FARS2: variants seen among roughly 807,000 people sequenced by gnomAD.
The protein encoded by FARS2 is phenylalanine--tRNA ligase, mitochondrial.
FARS2 carries 40 observed loss-of-function variants against 46.4 expected under a neutral mutation model. The observed-to-expected ratio is 0.86, with a 90% CI of 0.67 to 1.12. The LOEUF (loss-of-function observed/expected upper bound fraction) is 1.12. Among genes scored for constraint, FARS2 ranks in the 50% most tolerant of loss-of-function variants. FARS2 has a pLI of 0.00. For missense variants in FARS2, 513 were observed against 567.9 expected (o/e 0.90, Z 0.98); for synonymous variants, 234 against 214.9 (o/e 1.09, Z -0.78).
intron 6 of FARS2, among the ~76,000 whole-genome samples, chr6:5,668,416 C>T (rs1241073043): frequency 6.6e-6 from 1 of 152,148 alleles, no homozygotes; most frequent in Non-Finnish European, 1.5e-5. Context: ...GGGTTATCTG[C>T]GTGTGTCCAT....
chr6:5,513,031 G>A (rs1472963066), intron 4 of FARS2, among the ~76,000 whole-genome samples: 3 of 152,148 alleles, frequency 2.0e-5, no homozygotes, highest in Non-Finnish European at 4.4e-5. Flanking sequence ...GCGTGGGTTG[G>A]GTTGGAGAGG....
chr6:5,368,449 A>G (rs1758817211), intron 1 of FARS2, 101 bp from the exon 2 acceptor site: 1 of 1,033,494 alleles, frequency 9.7e-7, no homozygotes, highest in African/African-American at 1.6e-5. Flanking sequence ...TGGGGGAAAC[A>G]TGCCAGTAGG....
intron 5 of FARS2, among the ~76,000 whole-genome samples, chr6:5,557,324 G>T (rs552575686): frequency 7.9e-5 from 12 of 152,188 alleles, no homozygotes; most frequent in African/African-American, 2.9e-4. Flanking sequence ...TCTCAGATTT[G>T]TCCTCTCAAG....
At chr6:5,425,174 T>G (rs1241518648) in intron 3 of FARS2, among the ~76,000 whole-genome samples, 1 of 152,232 alleles carries the variant, frequency 6.6e-6, no homozygotes, top group Non-Finnish European at 1.5e-5. Context: ...TTTGTTCAGT[T>G]AATTTTAAAA....
At chr6:5,426,150 T>C (rs1762836824) in intron 3 of FARS2, among the ~76,000 whole-genome samples, 1 of 152,086 alleles carries the variant, frequency 6.6e-6, no homozygotes, top group Admixed American at 6.6e-5. Context: ...TTCATCTGTG[T>C]GGTTTAGGAA....
chr6:5,357,480 A>G (rs1758005816), intron 1 of FARS2, among the ~76,000 whole-genome samples: 1 of 152,194 alleles, frequency 6.6e-6, no homozygotes, highest in Non-Finnish European at 1.5e-5. Flanking sequence ...TTTATGTGCC[A>G]TGAGTGAAGT....
intron 1 of FARS2, among the ~76,000 whole-genome samples, chr6:5,282,078 C>T (rs977056834): frequency 8.5e-5 from 13 of 152,140 alleles, no homozygotes; most frequent in African/African-American, 3.1e-4. Flanking sequence ...CAGTATAATG[C>T]CATTGTGAAT....
chr6:5,668,332 A>G (rs1393286189), intron 6 of FARS2, among the ~76,000 whole-genome samples: 1 of 152,216 alleles, frequency 6.6e-6, no homozygotes, highest in Non-Finnish European at 1.5e-5. Context: ...ACTGTTGGAC[A>G]GCAGCAGCTC....
intron 1 of FARS2, among the ~76,000 whole-genome samples, chr6:5,274,241 C>A (rs1271281522): frequency 6.6e-6 from 1 of 152,178 alleles, no homozygotes; most frequent in Non-Finnish European, 1.5e-5. Flanking sequence ...TTCTTCCCGG[C>A]CATTAGAACC....
chr6:5,598,781 G>A (rs996663010), intron 5 of FARS2, among the ~76,000 whole-genome samples: 1 of 152,178 alleles, frequency 6.6e-6, no homozygotes, highest in African/African-American at 2.4e-5. Context: ...TAGGGGTAGG[G>A]TGAGGAAGAA....
At chr6:5,521,627 C>G (rs1238125723) in intron 4 of FARS2, among the ~76,000 whole-genome samples, 1 of 152,192 alleles carries the variant, frequency 6.6e-6, no homozygotes, top group East Asian at 1.9e-4. Context: ...AGACCCAAGA[C>G]TCTAGCTATG....
At position 5,379,507 on chromosome 6, in the gene FARS2, G is replaced by T. The variant is rs530529915; in HGVS notation, c.612+10325G>T. On this transcript the variant is annotated intron_variant, in intron 2 of 6. Coordinates refer to ENST00000274680, the MANE Select transcript of FARS2 (RefSeq NM_006567.5). The stretch of plus-strand genomic sequence containing the variant: ...CTATAAGGAGGAGCTGCTACCCTTA[G>T]GACTAAGACGGGGACCCAGAGAAGA... 3.9e-5 allele frequency among the ~76,000 whole-genome samples: 6 copies of T among 152,268 alleles called. No homozygotes were observed. The South Asian group carries it at 1.2e-3, about 32-fold the overall frequency.
chr6:5,463,582 G>A (rs1765358777), intron 4 of FARS2, among the ~76,000 whole-genome samples: 1 of 152,094 alleles, frequency 6.6e-6, no homozygotes, highest in African/African-American at 2.4e-5. Flanking sequence ...ACTATCATAG[G>A]AAAAATTTTC....
chr6:5,446,023 C>A (rs1764166091), intron 4 of FARS2, among the ~76,000 whole-genome samples: 1 of 152,046 alleles, frequency 6.6e-6, no homozygotes, highest in Admixed American at 6.6e-5. Context: ...CATGGTGAAA[C>A]CCCGTCTCTA....
At chr6:5,760,253 T>C (rs528531540) in intron 6 of FARS2, among the ~76,000 whole-genome samples, 35 of 152,342 alleles carry the variant, frequency 2.3e-4, no homozygotes, top group African/African-American at 8.4e-4. Flanking sequence ...CATAGGTAAT[T>C]CTACTCATGA....
chr6:5,406,030 A>G (rs547731716), intron 3 of FARS2, among the ~76,000 whole-genome samples: 64 of 152,250 alleles, frequency 4.2e-4, no homozygotes, highest in African/African-American at 1.5e-3. Flanking sequence ...CCCTCCAGCT[A>G]TTTTTAACTT....
intron 4 of FARS2, among the ~76,000 whole-genome samples, chr6:5,495,796 G>A (rs1339871244): frequency 1.3e-5 from 2 of 152,182 alleles, no homozygotes; most frequent in Non-Finnish European, 2.9e-5. Flanking sequence ...AGAACAATGT[G>A]GACTCTGAGA....
At chr6:5,395,116 T>A (rs1440611331) in intron 2 of FARS2, among the ~76,000 whole-genome samples, 2 of 152,120 alleles carry the variant, frequency 1.3e-5, no homozygotes, top group Non-Finnish European at 2.9e-5. Flanking sequence ...AATGGTGTGA[T>A]CTTGGCTCGC....
At chr6:5,616,302 G>A (rs1775478267) in intron 6 of FARS2, among the ~76,000 whole-genome samples, 1 of 152,174 alleles carries the variant, frequency 6.6e-6, no homozygotes, top group African/African-American at 2.4e-5. Flanking sequence ...AAATTTCCAG[G>A]AGTTTCCATG....
Sources: gnomAD v4.1 joint callset for allele counts (sites outside exome capture counted in the v4.1 genomes callset) on GRCh38, gnomAD v4.1.1 for gene constraint, MANE v1.5 for transcripts, NCBI Gene and HGNC (gene_info 2026-07-23, HGNC 2026-07-21) for gene names.